The following ZMIZ1 variants were observed in gnomAD, a reference collection of about 807,000 sequenced individuals.
The protein encoded by ZMIZ1 is zinc finger MIZ domain-containing protein 1.
In ZMIZ1, 17 loss-of-function variants were observed where a neutral mutation model predicts 113.9. The ratio of observed to expected loss-of-function variants is 0.15; its 90% confidence interval spans 0.10 to 0.22. The LOEUF is 0.22. Among genes scored for constraint, ZMIZ1 ranks in the 10% least tolerant of loss-of-function variants. ZMIZ1 has a pLI of 1.00. For synonymous variants in ZMIZ1, 607 were observed against 603.1 expected, an observed-to-expected ratio of 1.01 and a Z score of -0.09; for missense variants, 1,059 against 1,477.8, an observed-to-expected ratio of 0.72 and a Z score of 4.65.
At chr10:79,089,111 G>A (rs548232519) in intron 1 of ZMIZ1, among the ~76,000 whole-genome samples, 1 of 152,334 alleles carries the variant, frequency 6.6e-6, no homozygotes, top group Admixed American at 6.5e-5. Context: ...CCTCCGACAG[G>A]ACAGCGCTGA....
intron 1 of ZMIZ1, among the ~76,000 whole-genome samples, chr10:79,082,148 C>T (rs1842680765): frequency 6.6e-6 from 1 of 152,212 alleles, no homozygotes; most frequent in South Asian, 2.1e-4. Flanking sequence ...TCACCTTCCT[C>T]ATTTTGCAAA....
In ZMIZ1 at chr10:79,306,686, C is replaced by A. The variant is rs556804073; in HGVS notation, c.2668+342C>A. 8.5e-5 allele frequency among the ~76,000 whole-genome samples: 13 copies of A among 152,314 alleles called. No homozygotes were observed. In the East Asian group the frequency reaches 2.5e-3, roughly 29 times the overall value. ...CCTCCTAGGGACAGAGTCCAGGTTC[C>A]TAGAGCCTCAGCCTTTGGCCACCAA... On this transcript the variant is annotated intron_variant, in intron 22 of 24. Transcript: ENST00000334512.
intron 2 of ZMIZ1, among the ~76,000 whole-genome samples, chr10:79,128,856 C>T (rs1344443977): frequency 6.6e-6 from 1 of 152,190 alleles, no homozygotes. Flanking sequence ...GTGCTCTATG[C>T]TTGGCAGGTG....
At chr10:79,301,441 T>C (rs1053661280) in intron 17 of ZMIZ1, among the ~76,000 whole-genome samples, 2 of 152,062 alleles carry the variant, frequency 1.3e-5, no homozygotes, top group African/African-American at 4.8e-5. Context: ...CGTGACTTGT[T>C]ACCTAGGACC....
At chr10:79,104,966 TG>T (rs1394982381) in intron 1 of ZMIZ1, among the ~76,000 whole-genome samples, 22 of 151,262 alleles carry the variant, frequency 1.5e-4, no homozygotes, top group Admixed American at 1.1e-3. Context: ...TGTGTGTGTG[TG>T]TGTGTGTGTG....
intron 4 of ZMIZ1, among the ~76,000 whole-genome samples, chr10:79,188,052 G>C (rs993486694): frequency 6.6e-6 from 1 of 152,124 alleles, no homozygotes; most frequent in Admixed American, 6.6e-5. Context: ...TTCTACCTTC[G>C]GCTATATTGT....
At chr10:79,268,139 G>C (rs1589525951) in intron 7 of ZMIZ1, among the ~76,000 whole-genome samples, 1 of 152,184 alleles carries the variant, frequency 6.6e-6, no homozygotes, top group African/African-American at 2.4e-5. Context: ...TGAGATGCTG[G>C]GAACATCTCA....
At chr10:79,262,914 C>A (rs557359433) in intron 7 of ZMIZ1, among the ~76,000 whole-genome samples, 1 of 152,320 alleles carries the variant, frequency 6.6e-6, no homozygotes, top group South Asian at 2.1e-4. Context: ...GCTGTCAAGC[C>A]TCCATACTCT....
chr10:79,078,174 C>G (rs1422055010), intron 1 of ZMIZ1, among the ~76,000 whole-genome samples: 1 of 152,164 alleles, frequency 6.6e-6, no homozygotes, highest in Non-Finnish European at 1.5e-5. Context: ...GTCTGAGAAG[C>G]TTATTTTTTT....
intron 4 of ZMIZ1, among the ~76,000 whole-genome samples, chr10:79,195,995 C>A (rs1847816924): frequency 1.3e-5 from 2 of 152,116 alleles, no homozygotes; most frequent in Non-Finnish European, 2.9e-5. Context: ...GCCTGCCCCT[C>A]AACAAGCTGT....
chr10:79,078,719 ATTT>A (rs10673987), intron 1 of ZMIZ1, among the ~76,000 whole-genome samples: 1 of 125,080 alleles, frequency 8.0e-6, no homozygotes. Flanking sequence ...TAATTTTTGT[ATTT>A]TTTTTTTTTT....
intron 1 of ZMIZ1, among the ~76,000 whole-genome samples, chr10:79,071,683 G>C (rs150134039): frequency 4.6e-5 from 7 of 152,212 alleles, no homozygotes; most frequent in Admixed American, 2.6e-4. Context: ...CCAAGCCTTG[G>C]GCTGACCTTT....
At chr10:79,275,479 C>G (rs373442807) in intron 7 of ZMIZ1, among the ~76,000 whole-genome samples, 1 of 152,250 alleles carries the variant, frequency 6.6e-6, no homozygotes, top group African/African-American at 2.4e-5. Flanking sequence ...GCAAGCAGCT[C>G]TGGCGACTTC....
intron 8 of ZMIZ1, among the ~76,000 whole-genome samples, chr10:79,289,342 C>T (rs749859627): frequency 1.8e-4 from 27 of 152,282 alleles, no homozygotes; most frequent in Non-Finnish European, 3.4e-4. Context: ...AGACTCGGAC[C>T]CTTCCAGCCT....
intron 7 of ZMIZ1, among the ~76,000 whole-genome samples, chr10:79,246,707 A>G (rs1001160277): frequency 7.9e-5 from 12 of 151,868 alleles, no homozygotes; most frequent in South Asian, 2.1e-4. Flanking sequence ...GCAGGAGGAA[A>G]CTCTCCCAGG....
At chr10:79,084,706 C>T (rs1211324854) in intron 1 of ZMIZ1, among the ~76,000 whole-genome samples, 1 of 152,196 alleles carries the variant, frequency 6.6e-6, no homozygotes, top group Non-Finnish European at 1.5e-5. Context: ...CTTTGAGCCT[C>T]AGTTTCCCTA....
At chr10:79,197,452 T>C (rs1353871897) in intron 4 of ZMIZ1, among the ~76,000 whole-genome samples, 1 of 152,190 alleles carries the variant, frequency 6.6e-6, no homozygotes, top group Non-Finnish European at 1.5e-5. Flanking sequence ...GGTTTGTCCC[T>C]GACCCCAGGA....
chr10:79,239,261 T>C (rs1232697767), intron 7 of ZMIZ1, among the ~76,000 whole-genome samples: 1 of 152,204 alleles, frequency 6.6e-6, no homozygotes, highest in African/African-American at 2.4e-5. Flanking sequence ...CTGAGCTGGC[T>C]GTGTGATAGC....
In ZMIZ1 at chr10:79,302,098, TC is replaced by T; in HGVS notation, c.2020-5del. On this transcript the variant is annotated splice_polypyrimidine_tract_variant and splice_region_variant and intron_variant, in intron 17 of 24. Transcript: ENST00000334512. ...GCACAGGAACTGAGTGTCTCCTCTCTCCCCGCAGTCCCACCTCTTCGTGCTG... is the reference window on the plus strand; with the variant it reads ...GCACAGGAACTGAGTGTCTCCTCTCTCCCGCAGTCCCACCTCTTCGTGCTG... The T allele has an allele frequency of 6.2e-7, 1 of 1,613,240 alleles. No homozygotes were observed.
Sources: gnomAD v4.1 joint callset for allele counts (sites outside exome capture counted in the v4.1 genomes callset) on GRCh38, gnomAD v4.1.1 for gene constraint, MANE v1.5 for transcripts, NCBI Gene and HGNC (gene_info 2026-07-23, HGNC 2026-07-21) for gene names.